The following TRMT5 variants were observed in gnomAD, a reference collection of about 807,000 sequenced individuals.
The protein encoded by TRMT5 is tRNA methyltransferase 5.
Under a neutral mutation model 42.2 loss-of-function variants are expected in TRMT5, and 31 were observed. The observed-to-expected ratio is 0.73, with a 90% CI of 0.55 to 0.99. The LOEUF is 0.99. TRMT5 is among the 50% of genes least tolerant of loss of function. The pLI is 0.00. For synonymous variants in TRMT5, 198 were observed against 209.6 expected (o/e 0.94, Z 0.48); for missense variants, 568 against 595.0 (o/e 0.95, Z 0.47).
Position 60,979,396 on chromosome 14 carries a change from T to C in TRMT5, c.502A>G (p.Ile168Val). The change falls in exon 2 of 5, where the codon ATC becomes GTC. Residue 168 changes from isoleucine (I) to valine (V), a missense_variant. Ile to Val is a conservative substitution (Grantham distance 29). Transcript: ENST00000261249. Reference protein sequence around the residue: ...VLEQLNVSPQISKYNLELTYE... With the variant: ...VLEQLNVSPQVSKYNLELTYE... ...GTTAGTTCCAAATTGTATTTAGAGA[T>C]CTGTGGACTGACATTAAGCTGCTCT... 1 of 1,614,164 alleles carries C rather than the reference T, an allele frequency of 6.2e-7. No homozygotes were observed. The highest frequency in any genetic ancestry group is 8.5e-7 in the Non-Finnish European group (1 of 1,180,016).
Position 60,979,688 on chromosome 14 carries a change from A to C in TRMT5, c.210T>G (p.Thr70=). The change falls in exon 2 of 5, where the codon ACT becomes ACG. Residue 70 remains threonine (T), a synonymous_variant. Coordinates refer to ENST00000261249, the MANE Select transcript of TRMT5 (RefSeq NM_020810.3). ...CATCAGAAGGTGGTGAAAACAATTCAGTCTCTCTCTCATGTGTTTCTGTTT... is the reference window on the plus strand; with the variant it reads ...CATCAGAAGGTGGTGAAAACAATTCCGTCTCTCTCTCATGTGTTTCTGTTT... ...MPETETHERE[T]ELFSPPSDVR... is the part of the protein sequence containing the mutation. 6.2e-7 allele frequency: 1 copy of C among 1,614,142 alleles called. No individual in the cohort carries two copies. The highest frequency in any genetic ancestry group is 1.3e-5 in the African/African-American group (1 of 75,030).
chr14:60,980,320 T>TTA (rs2036933103), intron 1 of TRMT5, among the ~76,000 whole-genome samples: 1 of 152,216 alleles, frequency 6.6e-6, no homozygotes, highest in Non-Finnish European at 1.5e-5. Flanking sequence ...GCTAAATGCT[T>TTA]TATGTACATT....
Position 60,979,297 on chromosome 14 carries a change from T to A in TRMT5, c.601A>T (p.Ser201Cys), listed in dbSNP as rs749599140. The A allele has an allele frequency of 6.2e-7, 1 of 1,614,028 alleles. No homozygotes were observed. The highest frequency in any genetic ancestry group is 2.2e-5 in the East Asian group (1 of 44,892). Residue 201 changes from serine (S) to cysteine (C), a missense_variant, in exon 2 of 5, where the codon AGC becomes TGC. Physicochemically the swap from Ser to Cys is moderately radical, Grantham distance 112. Transcript: ENST00000261249. ...PEGQDVTSGF[S>C]RIGHIAHLNL... ...AGGTGTGCAATATGTCCAATCCTGC[T>A]AAACCCTGAAGTTACATCTTGACCT...
chr14:60,981,261 G>A (rs1188070035), upstream of TRMT5: 1 of 1,586,352 alleles, frequency 6.3e-7, no homozygotes, highest in Non-Finnish European at 8.6e-7. Context: ...GGAACTGGTA[G>A]TCAGCTGGAG....
In TRMT5 at chr14:60,975,770, G is replaced by T. The variant is rs139758476; in HGVS notation, c.1149C>A (p.His383Gln). ...CTTTTGCTGGCAAGTTCATGACAACGTGCACAGAGGGTTTTCTTTCTTTTG... is the reference window on the plus strand; with the variant it reads ...CTTTTGCTGGCAAGTTCATGACAACTTGCACAGAGGGTTTTCTTTCTTTTG... ...GLSKERKPSV[H>Q]VVMNLPAKAI... Residue 383 changes from histidine to glutamine, a missense_variant, in exon 4 of 5, where the codon CAC becomes CAA. Coordinates refer to ENST00000261249, the MANE Select transcript of TRMT5 (RefSeq NM_020810.3). The T allele has an allele frequency of 6.2e-7, 1 of 1,614,178 alleles. No homozygotes were observed.
At chr14:60,981,469 G>A, upstream of TRMT5, 1 of 1,541,288 alleles carries the variant, frequency 6.5e-7, no homozygotes, top group South Asian at 1.2e-5. Flanking sequence ...AAGGAGGACC[G>A]CACCGGGACA....
intron 1 of TRMT5, among the ~76,000 whole-genome samples, chr14:60,980,329 T>C (rs1045615039): frequency 6.6e-6 from 1 of 152,200 alleles, no homozygotes; most frequent in African/African-American, 2.4e-5. Flanking sequence ...TTTATGTACA[T>C]TATGAATCTT....
Position 60,979,775 on chromosome 14 carries a change from C to T in TRMT5, c.123G>A (p.Met41Ile), listed in dbSNP as rs1445762918. ...AGAAAATACCAGGTGCTTCCAAAAG[C>T]ATCTGTGTCAGGGATGTCCAAGCTA... is the stretch of plus-strand genomic sequence containing the variant. ...IPVAWTSLTQ[M>I]LLEAPGIFLL... The change falls in exon 2 of 5, where the codon ATG becomes ATA. Residue 41 changes from methionine (M) to isoleucine (I), a missense_variant. Transcript: ENST00000261249. 3 of 1,613,812 alleles carry T rather than the reference C, an allele frequency of 1.9e-6. No individual in the cohort carries two copies. Among genetic ancestry groups the T allele is most frequent in the Non-Finnish European group, 2.5e-6 (3 of 1,179,980 alleles).
chr14:60,981,242 C>T, upstream of TRMT5: 1 of 1,571,278 alleles, frequency 6.4e-7, no homozygotes. Context: ...GGGGTAGAGG[C>T]TCGTAGATGG....
At chr14:60,977,096 G>A (rs1017552935) in intron 3 of TRMT5, among the ~76,000 whole-genome samples, 6 of 151,984 alleles carry the variant, frequency 3.9e-5, no homozygotes, top group South Asian at 2.1e-4. Flanking sequence ...AGGTTACAGA[G>A]GTGGAAATGT....
chr14:60,972,242 AC>A lies in TRMT5; in HGVS notation c.*2866del. 1.9e-6 allele frequency: 1 copy of A among 525,884 alleles called. No individual in the cohort carries two copies. The highest frequency in any genetic ancestry group is 1.4e-5 in the South Asian group (1 of 72,172). 32.6% of individuals were successfully genotyped at this position (525,884 alleles called of 1,614,324 possible). A position where few individuals can be genotyped will look rare whatever the true frequency, so the allele number is the denominator to read the frequency against. On this transcript the variant is annotated 3_prime_UTR_variant, in exon 5 of 5. Transcript: ENST00000261249. Reference sequence around the variant, plus strand: ...AAGTACAGTTATAAAAAATGCACACACTTCACTTGGGATCTCCAGCACCTTC... The same window carrying A: ...AAGTACAGTTATAAAAAATGCACACATTCACTTGGGATCTCCAGCACCTTC...
Position 60,979,519 on chromosome 14 carries a change from TCA to T in TRMT5, c.377_378del (p.Val126AspfsTer2). 1 of 1,614,200 alleles carries T rather than the reference TCA, an allele frequency of 6.2e-7. No individual in the cohort carries two copies. Among genetic ancestry groups the T allele is most frequent in the East Asian group, 2.2e-5 (1 of 44,884 alleles). ...CTTTCTTTATCTTCCGGATCTTCAATCACACGTCTTATGCCTGGGCGCTGCAA... is the reference window on the plus strand; with the variant it reads ...CTTTCTTTATCTTCCGGATCTTCAATCACGTCTTATGCCTGGGCGCTGCAA... ...AALQRPGIRR[V>X]IEDPEDKESR... On this transcript the variant is annotated frameshift_variant, in exon 2 of 5. Transcript: ENST00000261249. LOFTEE classifies it high-confidence loss of function.
rs542997433 is a variant in TRMT5 at position 60,973,152 on chromosome 14, A to G, written c.*1957T>C. ...ATATTGTCATCAAATATTGTGATTC[A>G]AATATCGATTGTCAAAATGACTGTA... On this transcript the variant is annotated 3_prime_UTR_variant, in exon 5 of 5. Transcript: ENST00000261249. The G allele has an allele frequency of 6.6e-6, 1 of 152,234 alleles. No individual in the cohort carries two copies. Among genetic ancestry groups the G allele is most frequent in the Non-Finnish European group, 1.5e-5 (1 of 68,038 alleles). 9.4% of individuals were successfully genotyped at this position (152,234 alleles called of 1,614,324 possible).
chr14:60,979,796 A>G lies in TRMT5; in HGVS notation c.102T>C (p.Ala34=), dbSNP rs1348775222. ...AAAGCATCTGTGTCAGGGATGTCCA[A>G]GCTACTGGAATCAACGATTTTGATT... is the stretch of plus-strand genomic sequence containing the variant. ...ITESKSLIPV[A]WTSLTQMLLE... The change falls in exon 2 of 5, where the codon GCT becomes GCC. Residue 34 remains alanine, a synonymous_variant. Transcript: ENST00000261249. 1 of 1,613,960 alleles carries G rather than the reference A, an allele frequency of 6.2e-7. No individual in the cohort carries two copies. Among genetic ancestry groups the G allele is most frequent in the Admixed American group, 1.7e-5 (1 of 60,008 alleles).
chr14:60,975,987 G>T lies in TRMT5; in HGVS notation c.932C>A (p.Pro311His). 6.2e-7 allele frequency: 1 copy of T among 1,614,130 alleles called. No individual in the cohort carries two copies. Reference sequence around the variant, plus strand: ...TTTCTTTGCTACTGGAATGGCAAAGGGCCCAACCCCAGCAAAAACATCAAA... The same window carrying T: ...TTTCTTTGCTACTGGAATGGCAAAGTGCCCAACCCCAGCAAAAACATCAAA... ...VLFDVFAGVG[P>H]FAIPVAKKNC... The change falls in exon 4 of 5, where the codon CCC becomes CAC. Residue 311 changes from proline (P) to histidine (H), a missense_variant. Pro to His is a moderately conservative substitution (Grantham distance 77). Transcript: ENST00000261249.
rs1326270707 is a variant in TRMT5 at position 60,971,999 on chromosome 14, C to T, written c.*3110G>A. ...TGTCAAAGTCAGGAAATCCCTCCTC[C>T]TGGGAGCCAAGAGGAAGTCTCTCAA... On this transcript the variant is annotated 3_prime_UTR_variant, in exon 5 of 5. Coordinates refer to ENST00000261249, the MANE Select transcript of TRMT5 (RefSeq NM_020810.3). 1.5e-5 allele frequency: 4 copies of T among 262,422 alleles called. No individual in the cohort carries two copies. Among genetic ancestry groups the T allele is most frequent in the Non-Finnish European group, 3.0e-5 (4 of 134,584 alleles). The allele number at this position is 262,422 out of a possible 1,614,324, so 16.3% of individuals were successfully genotyped here.
In TRMT5 at chr14:60,974,149, G is replaced by A. The variant is rs1283046594; in HGVS notation, c.*960C>T. ...TTTCTTGTTTTGCTATAATAGATAT[G>A]CTCTGGTAATAAAAAATAAAATGTG... On this transcript the variant is annotated 3_prime_UTR_variant, in exon 5 of 5. Transcript: ENST00000261249. 1 of 152,130 alleles carries A rather than the reference G, an allele frequency of 6.6e-6. No homozygotes were observed. The highest frequency in any genetic ancestry group is 1.5e-5 in the Non-Finnish European group (1 of 68,020). The allele number at this position is 152,130 out of a possible 1,614,324, so 9.4% of individuals were successfully genotyped here.
chr14:60,977,142 G>T (rs2036858238), intron 3 of TRMT5, among the ~76,000 whole-genome samples: 1 of 152,070 alleles, frequency 6.6e-6, no homozygotes, highest in African/African-American at 2.4e-5. Flanking sequence ...GTCTTTCTGG[G>T]TATAACCTAG....
chr14:60,981,244 C>T (rs1287901764), upstream of TRMT5: 3 of 1,572,048 alleles, frequency 1.9e-6, no homozygotes, highest in East Asian at 7.0e-5. Context: ...GGTAGAGGCT[C>T]GTAGATGGAA....
Sources: gnomAD v4.1 joint callset for allele counts (sites outside exome capture counted in the v4.1 genomes callset) on GRCh38, gnomAD v4.1.1 for gene constraint, MANE v1.5 for transcripts, NCBI Gene and HGNC (gene_info 2026-07-23, HGNC 2026-07-21) for gene names.